CLSTN2: variants seen among roughly 807,000 people sequenced by gnomAD.
CLSTN2 encodes calsyntenin 2, also known as calsyntenin-2.
In CLSTN2, 48 loss-of-function variants were observed where a neutral mutation model predicts 101.2. That is an observed-to-expected ratio of 0.47 (90% CI 0.38 to 0.60). CLSTN2 has a LOEUF of 0.60. Among genes scored for constraint, CLSTN2 ranks in the 20% least tolerant of loss-of-function variants. CLSTN2 has a pLI of 0.00. For missense variants in CLSTN2, 1,160 were observed against 1,238.2 expected, an observed-to-expected ratio of 0.94 and a Z score of 0.95; for synonymous variants, 481 against 463.6, an observed-to-expected ratio of 1.04 and a Z score of -0.48.
intron 2 of CLSTN2, among the ~76,000 whole-genome samples, chr3:140,206,601 A>G (rs543677340): frequency 6.6e-6 from 1 of 152,306 alleles, no homozygotes; most frequent in African/African-American, 2.4e-5. Flanking sequence ...TAGCTCCCCA[A>G]AGCAACTCTT....
At chr3:140,119,631 C>G (rs2009305931) in intron 1 of CLSTN2, among the ~76,000 whole-genome samples, 1 of 152,132 alleles carries the variant, frequency 6.6e-6, no homozygotes, top group Admixed American at 6.5e-5. Flanking sequence ...TCTCCCACCT[C>G]CCAAGTAGCT....
At chr3:140,405,233 AT>A (rs72398449) in intron 4 of CLSTN2, among the ~76,000 whole-genome samples, 20 of 149,326 alleles carry the variant, frequency 1.3e-4, no homozygotes, top group African/African-American at 2.2e-4. Context: ...TTCATTCAGG[AT>A]TTTTTTTTTT....
At chr3:140,338,688 C>T (rs2087465138) in intron 2 of CLSTN2, among the ~76,000 whole-genome samples, 1 of 152,172 alleles carries the variant, frequency 6.6e-6, no homozygotes, top group Admixed American at 6.5e-5. Context: ...GATAACTTTA[C>T]TGCATGGGCC....
intron 8 of CLSTN2, among the ~76,000 whole-genome samples, chr3:140,506,433 C>T (rs562708629): frequency 4.6e-5 from 7 of 152,224 alleles, no homozygotes; most frequent in African/African-American, 1.4e-4. Flanking sequence ...TGCCCTGGAA[C>T]CCCAGGGTCC....
At chr3:140,013,513 G>C (rs1011003647) in intron 1 of CLSTN2, among the ~76,000 whole-genome samples, 2 of 152,198 alleles carry the variant, frequency 1.3e-5, no homozygotes, top group Admixed American at 1.3e-4. Context: ...TGGAAATAAG[G>C]CCGTTTGGGT....
intron 1 of CLSTN2, among the ~76,000 whole-genome samples, chr3:139,986,137 T>G (rs1347750476): frequency 6.6e-6 from 1 of 152,208 alleles, no homozygotes; most frequent in African/African-American, 2.4e-5. Context: ...ATCTATGATA[T>G]TAGCGAGGAA....
intron 1 of CLSTN2, among the ~76,000 whole-genome samples, chr3:140,029,457 C>G (rs567651878): frequency 7.2e-5 from 11 of 152,104 alleles, no homozygotes; most frequent in Non-Finnish European, 1.6e-4. Flanking sequence ...ACAGCTGATA[C>G]GGATGTCTGC....
intron 2 of CLSTN2, among the ~76,000 whole-genome samples, chr3:140,228,213 T>G (rs191424300): frequency 6.6e-6 from 1 of 152,306 alleles, no homozygotes; most frequent in East Asian, 1.9e-4. Flanking sequence ...CTTGAATGCT[T>G]TGCTGCTTAG....
chr3:140,394,726 C>A (rs944532331), intron 2 of CLSTN2, among the ~76,000 whole-genome samples: 3 of 152,178 alleles, frequency 2.0e-5, no homozygotes, highest in Non-Finnish European at 4.4e-5. Flanking sequence ...GGGCACAGAA[C>A]GATGTAGGCT....
intron 1 of CLSTN2, among the ~76,000 whole-genome samples, chr3:140,044,844 A>T (rs967288159): frequency 1.7e-4 from 26 of 152,162 alleles, no homozygotes; most frequent in Non-Finnish European, 3.1e-4. Context: ...ATTGATTTGC[A>T]TATGTTGAAC....
chr3:140,248,107 A>T (rs572431595), intron 2 of CLSTN2, among the ~76,000 whole-genome samples: 2 of 152,210 alleles, frequency 1.3e-5, no homozygotes, highest in Non-Finnish European at 2.9e-5. Flanking sequence ...GTGTGATGGG[A>T]TCTTCAAAGA....
chr3:140,171,048 T>C (rs1371982508), intron 1 of CLSTN2, among the ~76,000 whole-genome samples: 1 of 152,168 alleles, frequency 6.6e-6, no homozygotes, highest in Non-Finnish European at 1.5e-5. Context: ...ACAGTTCTAA[T>C]GGACAGGCCC....
chr3:140,285,848 T>C (rs949592656), intron 2 of CLSTN2, among the ~76,000 whole-genome samples: 3 of 152,124 alleles, frequency 2.0e-5, no homozygotes, highest in African/African-American at 7.2e-5. Context: ...ATGAGGCTCT[T>C]GGTGTCAAAA....
At chr3:140,229,600 G>A (rs1016583830) in intron 2 of CLSTN2, among the ~76,000 whole-genome samples, 3 of 151,872 alleles carry the variant, frequency 2.0e-5, no homozygotes, top group African/African-American at 7.3e-5. Flanking sequence ...ATTCAGGAGA[G>A]CTAAAACCCA....
intron 1 of CLSTN2, among the ~76,000 whole-genome samples, chr3:139,984,487 T>A (rs1332691207): frequency 2.0e-5 from 3 of 152,126 alleles, no homozygotes; most frequent in Non-Finnish European, 4.4e-5. Context: ...TCTTCATTCT[T>A]ATATGACTGG....
At chr3:140,145,976 T>C (rs1029775497) in intron 1 of CLSTN2, among the ~76,000 whole-genome samples, 13 of 152,192 alleles carry the variant, frequency 8.5e-5, no homozygotes, top group African/African-American at 3.1e-4. Context: ...GCCTACCTTG[T>C]TTCTGGGAGT....
chr3:140,313,543 G>A (rs1352245752), intron 2 of CLSTN2, among the ~76,000 whole-genome samples: 5 of 152,214 alleles, frequency 3.3e-5, no homozygotes, highest in Non-Finnish European at 7.3e-5. Flanking sequence ...AGTGCCTAGA[G>A]GAGGTGGCAG....
intron 2 of CLSTN2, among the ~76,000 whole-genome samples, chr3:140,379,627 A>G (rs186694478): frequency 1.2e-3 from 188 of 152,350 alleles, no homozygotes; most frequent in African/African-American, 4.0e-3. Context: ...AGCAAAACAC[A>G]GCATCAATTT....
intron 2 of CLSTN2, among the ~76,000 whole-genome samples, chr3:140,199,370 T>C (rs1487955090): frequency 6.6e-6 from 1 of 152,214 alleles, no homozygotes; most frequent in Admixed American, 6.5e-5. Context: ...TGAGGAGCTT[T>C]CTAAACACAT....
Sources: allele counts gnomAD v4.1 joint callset (sites outside exome capture counted in the v4.1 genomes callset), GRCh38; gene constraint gnomAD v4.1.1; transcripts MANE v1.5; gene names NCBI Gene and HGNC (gene_info 2026-07-23, HGNC 2026-07-21).